PRRC2B: variants seen among roughly 807,000 people sequenced by gnomAD.
PRRC2B encodes protein PRRC2B.
In PRRC2B, 68 loss-of-function variants were observed where a neutral mutation model predicts 242.3. The observed-to-expected ratio is 0.28, with a 90% CI of 0.23 to 0.34. The LOEUF (loss-of-function observed/expected upper bound fraction) is 0.34, where lower values mean the gene tolerates loss of function less well. Ranked by LOEUF, PRRC2B falls within the 10% of genes least tolerant of loss-of-function variation. The pLI is 1.00. For synonymous variants in PRRC2B, 1,228 were observed against 1,173.6 expected (o/e 1.05, Z -0.95); for missense variants, 2,835 against 2,954.8 (o/e 0.96, Z 0.94).
chr9:131,419,144 T>C (rs1164102519), intron 1 of PRRC2B, among the ~76,000 whole-genome samples: 1 of 152,196 alleles, frequency 6.6e-6, no homozygotes, highest in African/African-American at 2.4e-5. Flanking sequence ...GTGACTGCAG[T>C]AAATAGCTAC....
At chr9:131,442,151 T>TA (rs1838613399) in intron 5 of PRRC2B, among the ~76,000 whole-genome samples, 1 of 152,078 alleles carries the variant, frequency 6.6e-6, no homozygotes, top group Non-Finnish European at 1.5e-5. Flanking sequence ...TGTTTTTTTT[T>TA]AGGCAGGGTT....
chr9:131,430,518 G>GATATAGATATCT (rs71372731), intron 2 of PRRC2B, among the ~76,000 whole-genome samples: 1 of 20,644 alleles, frequency 4.8e-5, no homozygotes. Context: ...TCTATAGATA[G>GATATAGATATCT]ATAGATAGAT....
At chr9:131,412,853 AGAC>A (rs1350401650) in intron 1 of PRRC2B, among the ~76,000 whole-genome samples, 1 of 138,670 alleles carries the variant, frequency 7.2e-6, no homozygotes, top group Non-Finnish European at 1.5e-5. Context: ...GAGTGCAGTG[AGAC>A]GATTATAGGT....
At chr9:131,460,815 C>T (rs139871025) in intron 11 of PRRC2B, among the ~76,000 whole-genome samples, 27 of 152,140 alleles carry the variant, frequency 1.8e-4, no homozygotes, top group Admixed American at 4.6e-4. Flanking sequence ...GTCCTGGGTC[C>T]GCCCTTTCTC....
chr9:131,446,481 A>G lies in PRRC2B; in HGVS notation c.694A>G (p.Ser232Gly), dbSNP rs985704943. Residue 232 changes from serine (S) to glycine (G), a missense_variant, in exon 7 of 32, where the codon AGC becomes GGC. Physicochemically the swap from Ser to Gly is moderately conservative, Grantham distance 56. Around this residue, in one of 7 missense-constraint regions of PRRC2B, gnomAD observed 626 missense variants for 685.5 expected, o/e 0.91. Transcript: ENST00000683519. The surrounding 1 kb of genome is among the most constrained non-coding windows in gnomAD (Gnocchi z 4.1). ...GAGCACCTCCCCAACTGAGCTGGGC[A>G]GCAGGAACTCGAGTACGGGAGATGG... ...SLSTSPTELG[S>G]RNSSTGDGAP... The G allele has an allele frequency of 1.2e-6, 2 of 1,613,810 alleles. No individual in the cohort carries two copies. The highest frequency in any genetic ancestry group is 1.3e-5 in the African/African-American group (1 of 74,898).
intron 1 of PRRC2B, among the ~76,000 whole-genome samples, chr9:131,396,728 A>G (rs1588236388): frequency 6.6e-6 from 1 of 151,452 alleles, no homozygotes; most frequent in East Asian, 1.9e-4. Flanking sequence ...TATGGTGACT[A>G]TCACCCATCT....
intron 5 of PRRC2B, among the ~76,000 whole-genome samples, chr9:131,443,256 C>G (rs1838670512): frequency 6.6e-6 from 1 of 151,766 alleles, no homozygotes; most frequent in African/African-American, 2.4e-5. Flanking sequence ...GCCTCAGCCT[C>G]CCGAGTAGCT....
Position 131,446,375 on chromosome 9 carries a change from C to A in PRRC2B, c.614-26C>A, listed in dbSNP as rs1175453233. 1 of 1,612,080 alleles carries A rather than the reference C, an allele frequency of 6.2e-7. No homozygotes were observed. The highest frequency in any genetic ancestry group is 8.5e-7 in the Non-Finnish European group (1 of 1,178,986). ...CTCCTTCCCCCTCCTCTTCCCTCTC[C>A]CCTTTTGCCCCCTTTCAATTTCCAG... On this transcript the variant is annotated intron_variant, in intron 6 of 31. Transcript: ENST00000683519. The surrounding 1 kb of genome is among the most constrained non-coding windows in gnomAD (Gnocchi z 4.1).
intron 14 of PRRC2B, among the ~76,000 whole-genome samples, 196 bp from the exon 15 acceptor site, chr9:131,473,312 A>AG: frequency 6.6e-6 from 1 of 152,190 alleles, no homozygotes. Flanking sequence ...TGAACCAGGC[A>AG]GGGTGCATGT....
chr9:131,407,916 C>T (rs1564275563), intron 1 of PRRC2B, among the ~76,000 whole-genome samples: 1 of 152,160 alleles, frequency 6.6e-6, no homozygotes, highest in Admixed American at 6.5e-5. Context: ...GGAGGATGCT[C>T]TCTGCAGCTG....
chr9:131,407,113 C>T (rs1837385165), intron 1 of PRRC2B, among the ~76,000 whole-genome samples: 1 of 152,132 alleles, frequency 6.6e-6, no homozygotes, highest in African/African-American at 2.4e-5. Flanking sequence ...TCTTTGCACA[C>T]CCTGGATGAA....
chr9:131,415,878 T>G (rs1254179297), intron 1 of PRRC2B, among the ~76,000 whole-genome samples: 1 of 152,176 alleles, frequency 6.6e-6, no homozygotes, highest in African/African-American at 2.4e-5. Context: ...GCCTTTGAAG[T>G]CTCGGCTACT....
Position 131,470,927 on chromosome 9 carries a change from G to A in PRRC2B, c.2051G>A (p.Arg684His), listed in dbSNP as rs747649270. 43 of 1,606,472 alleles carry A rather than the reference G, an allele frequency of 2.7e-5. No individual in the cohort carries two copies. Among genetic ancestry groups the A allele is most frequent in the Middle Eastern group, 1.7e-4 (1 of 6,028 alleles). Reference sequence around the variant, plus strand: ...ATGATGCCTTCCTACATGGACCCACGTATCACGCCCACTCGGACCCCGGTG... The same window carrying A: ...ATGATGCCTTCCTACATGGACCCACATATCACGCCCACTCGGACCCCGGTG... Reference protein sequence around the residue: ...WMMMPSYMDPRITPTRTPVDF... With the variant: ...WMMMPSYMDPHITPTRTPVDF... Residue 684 changes from arginine (R) to histidine (H), a missense_variant, in exon 14 of 32, where the codon CGT becomes CAT. Physicochemically the swap from Arg to His is conservative, Grantham distance 29. Transcript: ENST00000683519.
At chr9:131,429,760 G>A (rs546704033) in intron 1 of PRRC2B, among the ~76,000 whole-genome samples, 1 of 152,230 alleles carries the variant, frequency 6.6e-6, no homozygotes, top group South Asian at 2.1e-4. Context: ...CCTTGACTTG[G>A]AGAGGGCTCT....
At chr9:131,484,914 ATTTTC>A (rs773482357) in intron 24 of PRRC2B, 29 bp from the exon 25 acceptor site, 48 of 1,591,690 alleles carry the variant, frequency 3.0e-5, no homozygotes, top group Non-Finnish European at 4.0e-5. Context: ...CGTGATAGTA[ATTTTC>A]ATCCCTCCCC....
chr9:131,384,873 T>C (rs1479684994), intron 1 of PRRC2B, among the ~76,000 whole-genome samples: 5 of 152,132 alleles, frequency 3.3e-5, no homozygotes, highest in Non-Finnish European at 5.9e-5. Flanking sequence ...CATTTTCACA[T>C]TGGCTGTAAC....
In PRRC2B at chr9:131,487,877, C is replaced by T; in HGVS notation, c.6006C>T (p.Pro2002=). ...GCAGATCTCAGGTGTACATGCACCC[C>T]AGCCTGTCACCGCCCAGCACCATGA... ...QPFRSQVYMH[P]SLSPPSTMIL... Residue 2002 remains proline (P), a synonymous_variant, in exon 28 of 32, where the codon CCC becomes CCT. Coordinates refer to ENST00000683519, the MANE Select transcript of PRRC2B (RefSeq NM_013318.4). This position sits in a 1 kb window ranked among gnomAD's most constrained non-coding sequence, Gnocchi z 5.3. The T allele has an allele frequency of 5.6e-6, 9 of 1,612,012 alleles. No individual in the cohort carries two copies. Among genetic ancestry groups the T allele is most frequent in the Non-Finnish European group, 7.6e-6 (9 of 1,178,320 alleles).
chr9:131,401,144 A>G (rs1837217077), intron 1 of PRRC2B, among the ~76,000 whole-genome samples: 1 of 151,904 alleles, frequency 6.6e-6, no homozygotes, highest in Non-Finnish European at 1.5e-5. Flanking sequence ...CAACTTGTAA[A>G]TAGGTGTTTT....
chr9:131,470,218 ACACCGTAGGT>A (rs747116647), intron 13 of PRRC2B, among the ~76,000 whole-genome samples: 9 of 152,182 alleles, frequency 5.9e-5, no homozygotes, highest in Non-Finnish European at 1.3e-4. Flanking sequence ...CCTCACTGTA[ACACCGTAGGT>A]CACGAGTAGC....
Sources: allele counts gnomAD v4.1 joint callset (sites outside exome capture counted in the v4.1 genomes callset), GRCh38; gene constraint gnomAD v4.1.1; regional missense constraint gnomAD v4.1.1; non-coding constraint Gnocchi (gnomAD v3.1); transcripts MANE v1.5; gene names NCBI Gene and HGNC (gene_info 2026-07-23, HGNC 2026-07-21).